The following EBF2 variants were observed in gnomAD, a reference collection of about 807,000 sequenced individuals.
EBF2 encodes the protein transcription factor COE2.
A neutral mutation model predicts 72.8 loss-of-function variants in EBF2; 21 were observed. The observed-to-expected ratio is 0.29, with a 90% CI of 0.20 to 0.42. The LOEUF (loss-of-function observed/expected upper bound fraction) is 0.42, where lower values mean the gene tolerates loss of function less well. Ranked by LOEUF, EBF2 falls within the 10% of genes least tolerant of loss-of-function variation. The pLI is 1.00. For synonymous variants in EBF2, 299 were observed against 274.2 expected (o/e 1.09, Z -0.89); for missense variants, 637 against 731.2 (o/e 0.87, Z 1.49).
intron 6 of EBF2, among the ~76,000 whole-genome samples, chr8:25,934,964 C>CA (rs776621019): frequency 3.3e-5 from 5 of 152,204 alleles, no homozygotes; most frequent in Non-Finnish European, 7.3e-5. Flanking sequence ...CAAGGAGCAC[C>CA]AAGCCCACCC....
chr8:25,996,765 C>T (rs1000971992), intron 6 of EBF2, among the ~76,000 whole-genome samples: 4 of 151,914 alleles, frequency 2.6e-5, no homozygotes, highest in Non-Finnish European at 4.4e-5. Context: ...GGAAAAACTT[C>T]TGCCAAGGAT....
intron 6 of EBF2, among the ~76,000 whole-genome samples, chr8:26,025,555 A>G (rs993387643): frequency 3.3e-5 from 5 of 152,106 alleles, no homozygotes; most frequent in African/African-American, 1.2e-4. Flanking sequence ...TACTAACCCA[A>G]TTACATGAGT....
chr8:25,983,441 T>C (rs117256300), intron 6 of EBF2, among the ~76,000 whole-genome samples: 5,066 of 152,304 alleles, frequency 0.033, 109 homozygotes, highest in Non-Finnish European at 0.049. Context: ...TGTTATTTCG[T>C]TTTATAATTT....
intron 6 of EBF2, among the ~76,000 whole-genome samples, chr8:25,946,296 C>T (rs1803767580): frequency 6.6e-6 from 1 of 152,194 alleles, no homozygotes; most frequent in Non-Finnish European, 1.5e-5. Flanking sequence ...GGAAAGAGAC[C>T]AGCATGCAAA....
intron 6 of EBF2, among the ~76,000 whole-genome samples, chr8:26,015,157 C>T (rs1805088301): frequency 6.6e-6 from 1 of 152,106 alleles, no homozygotes; most frequent in African/African-American, 2.4e-5. Flanking sequence ...AGGAAAAGGT[C>T]ATGGTGCTGT....
intron 6 of EBF2, among the ~76,000 whole-genome samples, chr8:25,997,436 T>A (rs1804651654): frequency 6.6e-6 from 1 of 151,984 alleles, no homozygotes. Context: ...CCAAGCATGA[T>A]GGTGTGCACC....
chr8:25,881,945 C>A (rs1361603738), intron 10 of EBF2, among the ~76,000 whole-genome samples: 7 of 152,188 alleles, frequency 4.6e-5, no homozygotes, highest in African/African-American at 1.7e-4. Flanking sequence ...CTTCTGGCTC[C>A]CTTATCTGCT....
chr8:25,952,485 G>A (rs1016423367), intron 6 of EBF2, among the ~76,000 whole-genome samples: 8 of 152,092 alleles, frequency 5.3e-5, no homozygotes, highest in African/African-American at 1.7e-4. Context: ...GAACTGTCCA[G>A]GGTGAACAGG....
chr8:25,997,907 T>A (rs1195159762), intron 6 of EBF2, among the ~76,000 whole-genome samples: 1 of 152,080 alleles, frequency 6.6e-6, no homozygotes, highest in Admixed American at 6.6e-5. Context: ...GAGCTAACAT[T>A]AATAATAATA....
intron 6 of EBF2, among the ~76,000 whole-genome samples, chr8:25,927,097 C>T (rs1264113778): frequency 1.3e-5 from 2 of 152,084 alleles, no homozygotes; most frequent in Non-Finnish European, 2.9e-5. Context: ...AGAGGGATTA[C>T]CCTTGATAAT....
intron 6 of EBF2, among the ~76,000 whole-genome samples, chr8:25,915,291 A>G (rs547757816): frequency 6.6e-6 from 1 of 152,102 alleles, no homozygotes; most frequent in African/African-American, 2.4e-5. Flanking sequence ...GGAAAAAAAA[A>G]AAAAGGCTGA....
intron 8 of EBF2, among the ~76,000 whole-genome samples, chr8:25,889,445 A>G (rs1332034810): frequency 1.3e-5 from 2 of 152,110 alleles, no homozygotes; most frequent in South Asian, 4.2e-4. Flanking sequence ...TGGCACTGCA[A>G]TGTTCCTGTT....
intron 5 of EBF2, among the ~76,000 whole-genome samples, chr8:26,036,088 C>T (rs1805497214): frequency 6.6e-6 from 1 of 152,150 alleles, no homozygotes; most frequent in Non-Finnish European, 1.5e-5. Flanking sequence ...GTGTGCAATG[C>T]CGGGTACAAT....
Position 25,869,641 on chromosome 8 carries a change from C to T in EBF2, c.1010-6844G>A, listed in dbSNP as rs529923751. On this transcript the variant is annotated intron_variant, in intron 10 of 15. Coordinates refer to ENST00000520164, the MANE Select transcript of EBF2 (RefSeq NM_022659.4). ...ACCTAGAAACACATGTAAGAATAGC[C>T]GTATGTTTAAGTAGAATTATTCTGT... is the stretch of plus-strand genomic sequence containing the variant. Among the ~76,000 whole-genome samples, 18 of 152,184 alleles carry T rather than the reference C, an allele frequency of 1.2e-4. No homozygotes were observed. The East Asian group carries it at 1.7e-3, about 15-fold the overall frequency.
Position 25,984,409 on chromosome 8 carries a change from C to T in EBF2, c.551+48676G>A, listed in dbSNP as rs537983571. 3.9e-5 allele frequency among the ~76,000 whole-genome samples: 6 copies of T among 152,298 alleles called. No homozygotes were observed. The South Asian group carries it at 6.2e-4, about 16-fold the overall frequency. ...CATAAGACCCATTCGCGGCTGGGCG[C>T]GGTGGCTCACGCCTGTAATCCCCAG... On this transcript the variant is annotated intron_variant, in intron 6 of 15. Transcript: ENST00000520164.
intron 6 of EBF2, among the ~76,000 whole-genome samples, chr8:25,946,472 G>T (rs1803770620): frequency 6.6e-6 from 1 of 152,226 alleles, no homozygotes; most frequent in African/African-American, 2.4e-5. Flanking sequence ...TGGGGTGGCA[G>T]GTGAGGGGCA....
intron 6 of EBF2, among the ~76,000 whole-genome samples, chr8:25,973,964 C>T (rs1804228861): frequency 6.6e-6 from 1 of 152,212 alleles, no homozygotes. Flanking sequence ...AGGTGTGAGC[C>T]ACCACACCCA....
At chr8:25,931,735 T>TG (rs1803483889) in intron 6 of EBF2, among the ~76,000 whole-genome samples, 1 of 152,164 alleles carries the variant, frequency 6.6e-6, no homozygotes, top group South Asian at 2.1e-4. Context: ...CTATTTTGCT[T>TG]GGGGGAAATG....
intron 6 of EBF2, among the ~76,000 whole-genome samples, chr8:25,981,590 G>T (rs1804362162): frequency 3.9e-5 from 6 of 152,132 alleles, no homozygotes; most frequent in Admixed American, 3.9e-4. Flanking sequence ...GAGGTCAGGA[G>T]TTTGAGACCA....
Sources: allele counts gnomAD v4.1 joint callset (sites outside exome capture counted in the v4.1 genomes callset), GRCh38; gene constraint gnomAD v4.1.1; transcripts MANE v1.5; gene names NCBI Gene and HGNC (gene_info 2026-07-23, HGNC 2026-07-21).